Variants in CNTNAP5 observed in about 807,000 individuals in gnomAD.
CNTNAP5 encodes the protein contactin associated protein family member 5.
Under a neutral mutation model 150.2 loss-of-function variants are expected in CNTNAP5, and 72 were observed. The observed-to-expected ratio is 0.48, with a 90% CI of 0.40 to 0.58. CNTNAP5 has a LOEUF of 0.58. Among genes scored for constraint, CNTNAP5 ranks in the 20% least tolerant of loss-of-function variants. The probability of loss-of-function intolerance (pLI) is 0.00; values close to 1 mark genes in which losing one functional copy is unlikely to be tolerated. For missense variants in CNTNAP5, 1,636 were observed against 1,626.2 expected (o/e 1.01, Z -0.10); for synonymous variants, 672 against 619.8 (o/e 1.08, Z -1.25).
chr2:124,877,758 A>G (rs542500451), intron 21 of CNTNAP5, among the ~76,000 whole-genome samples: 2 of 152,134 alleles, frequency 1.3e-5, no homozygotes, highest in East Asian at 3.9e-4. Flanking sequence ...TAAATATTAG[A>G]TTTTCTTCAC....
intron 3 of CNTNAP5, among the ~76,000 whole-genome samples, chr2:124,279,216 CTG>C (rs1021873589): frequency 6.8e-6 from 1 of 146,150 alleles, no homozygotes; most frequent in Non-Finnish European, 1.5e-5. Context: ...TTAGTTAAAA[CTG>C]TAGGAAGTGT....
chr2:124,127,968 C>T (rs1484158773), intron 1 of CNTNAP5, among the ~76,000 whole-genome samples: 1 of 152,126 alleles, frequency 6.6e-6, no homozygotes, highest in Admixed American at 6.5e-5. Flanking sequence ...TAGAAGAAAA[C>T]CTAGGCAATA....
At chr2:124,683,075 T>G (rs995148676) in intron 13 of CNTNAP5, among the ~76,000 whole-genome samples, 5 of 152,156 alleles carry the variant, frequency 3.3e-5, no homozygotes, top group Admixed American at 3.3e-4. Context: ...TGGGGTAAAG[T>G]CAACTATTTT....
chr2:124,545,032 ATTAC>A (rs1695480672), intron 10 of CNTNAP5, among the ~76,000 whole-genome samples: 1 of 152,178 alleles, frequency 6.6e-6, no homozygotes, highest in African/African-American at 2.4e-5. Context: ...AAAACTTTAT[ATTAC>A]TTAAGAAGAC....
chr2:124,672,663 G>A (rs1466563826), intron 13 of CNTNAP5, among the ~76,000 whole-genome samples: 2 of 152,066 alleles, frequency 1.3e-5, no homozygotes, highest in Non-Finnish European at 1.5e-5. Flanking sequence ...AAATTTAAAG[G>A]AGAAACTTGA....
intron 2 of CNTNAP5, among the ~76,000 whole-genome samples, chr2:124,241,688 C>G (rs1486494512): frequency 6.6e-6 from 1 of 152,094 alleles, no homozygotes; most frequent in Non-Finnish European, 1.5e-5. Flanking sequence ...GTCCTTTCAT[C>G]TTTGTATCTG....
intron 3 of CNTNAP5, among the ~76,000 whole-genome samples, chr2:124,350,631 A>ATT (rs11378065): frequency 4.0e-5 from 6 of 151,328 alleles, no homozygotes; most frequent in South Asian, 2.1e-4. Context: ...TGACTTGAGG[A>ATT]TTTTTTTTTA....
Position 124,618,517 on chromosome 2 carries a change from G to C in CNTNAP5, c.1876+8597G>C, listed in dbSNP as rs577892579. Among the ~76,000 whole-genome samples, 199 of 152,310 alleles carry C rather than the reference G, an allele frequency of 1.3e-3. 1 individual carries two copies. The highest frequency in any genetic ancestry group is 4.5e-3 in the African/African-American group (189 of 41,576). ...TGCCTCTGGAGATCTGTGGCCCCCT[G>C]TGTGGGAAGCAGCCAGCTCAATCCA... On this transcript the variant is annotated intron_variant, in intron 12 of 23. Transcript: ENST00000682447.
chr2:124,713,283 TTCTTTCTTTCTTTCTTTCTTCTTTC>T (rs1679859314), intron 13 of CNTNAP5, among the ~76,000 whole-genome samples: 2 of 128,950 alleles, frequency 1.6e-5, no homozygotes, highest in Non-Finnish European at 1.7e-5. Context: ...CTTTCTTTCT[TTCTTTCTTTCTTTCTTTCTTCTTTC>T]TCTTTCTTTC....
In CNTNAP5 at chr2:124,737,610, T is replaced by G. The variant is rs1004529118; in HGVS notation, c.2078-9619T>G. Among the ~76,000 whole-genome samples, 9 of 152,282 alleles carry G rather than the reference T, an allele frequency of 5.9e-5. No individual in the cohort carries two copies. The East Asian group carries it at 1.7e-3, about 29-fold the overall frequency. On this transcript the variant is annotated intron_variant, in intron 13 of 23. Coordinates refer to ENST00000682447, the MANE Select transcript of CNTNAP5 (RefSeq NM_001367498.1). ...AGGTGGGATTTGTTTCTTGTTGCAATAGGGAACTATTGGGAAATTTCAATC... is the reference window on the plus strand; with the variant it reads ...AGGTGGGATTTGTTTCTTGTTGCAAGAGGGAACTATTGGGAAATTTCAATC...
At chr2:124,219,725 G>A (rs1686254399) in intron 1 of CNTNAP5, among the ~76,000 whole-genome samples, 1 of 152,064 alleles carries the variant, frequency 6.6e-6, no homozygotes, top group African/African-American at 2.4e-5. Flanking sequence ...AATTTAATAA[G>A]TGATTATTAT....
At chr2:124,547,652 G>A (rs769396330) in intron 10 of CNTNAP5, among the ~76,000 whole-genome samples, 1 of 152,182 alleles carries the variant, frequency 6.6e-6, no homozygotes, top group Non-Finnish European at 1.5e-5. Flanking sequence ...GCTTGCCTTG[G>A]CCAGGGTGGC....
chr2:124,805,319 G>T (rs954697812), intron 19 of CNTNAP5, among the ~76,000 whole-genome samples: 3 of 152,144 alleles, frequency 2.0e-5, no homozygotes, highest in African/African-American at 7.2e-5. Context: ...GGGTGTGTGT[G>T]TGTGTATATA....
chr2:124,386,416 T>C (rs1690927627), intron 3 of CNTNAP5, among the ~76,000 whole-genome samples: 1 of 152,214 alleles, frequency 6.6e-6, no homozygotes, highest in African/African-American at 2.4e-5. Flanking sequence ...CCCTTTCCTG[T>C]AACATACCTG....
chr2:124,728,014 G>A (rs1277191709), intron 13 of CNTNAP5, among the ~76,000 whole-genome samples: 1 of 151,996 alleles, frequency 6.6e-6, no homozygotes, highest in East Asian at 1.9e-4. Context: ...TTATCATGAA[G>A]CAATGTTGAA....
At chr2:124,851,592 T>G (rs1384476012) in intron 19 of CNTNAP5, among the ~76,000 whole-genome samples, 1 of 152,230 alleles carries the variant, frequency 6.6e-6, no homozygotes, top group East Asian at 1.9e-4. Context: ...GGTTCAGCTA[T>G]TGACACGTCA....
At chr2:124,420,624 GATT>G (rs200457349) in intron 4 of CNTNAP5, among the ~76,000 whole-genome samples, 2,127 of 152,278 alleles carry the variant, frequency 0.014, 25 homozygotes, top group Non-Finnish European at 0.023. Flanking sequence ...AAGTAAAGGA[GATT>G]ATCCTAAGTA....
chr2:124,594,314 T>C (rs2104963986), intron 11 of CNTNAP5, among the ~76,000 whole-genome samples: 1 of 147,858 alleles, frequency 6.8e-6, no homozygotes, highest in South Asian at 2.2e-4. Context: ...GATTTTTGTA[T>C]AAGGTGTAAG....
chr2:124,602,613 C>T (rs914434837), intron 11 of CNTNAP5, among the ~76,000 whole-genome samples: 2 of 152,032 alleles, frequency 1.3e-5, no homozygotes, highest in African/African-American at 4.8e-5. Flanking sequence ...TCTGCTTCAG[C>T]CTCCTGGGTA....
Sources: allele counts gnomAD v4.1 joint callset (sites outside exome capture counted in the v4.1 genomes callset), GRCh38; gene constraint gnomAD v4.1.1; transcripts MANE v1.5; gene names NCBI Gene and HGNC (gene_info 2026-07-23, HGNC 2026-07-21).